RAPGEF1: variants seen among roughly 807,000 people sequenced by gnomAD.
RAPGEF1 encodes Rap guanine nucleotide exchange factor 1, also known as CRK SH3-binding GNRP.
A neutral mutation model predicts 143.3 loss-of-function variants in RAPGEF1; 33 were observed. That is an observed-to-expected ratio of 0.23 (90% CI 0.17 to 0.31). The LOEUF (loss-of-function observed/expected upper bound fraction) is 0.31. RAPGEF1 is among the 10% of genes least tolerant of loss of function. RAPGEF1 has a pLI of 1.00. For missense variants in RAPGEF1, 1,199 were observed against 1,645.4 expected (o/e 0.73, Z 4.69); for synonymous variants, 629 against 676.5 (o/e 0.93, Z 1.09).
chr9:131,717,449 GC>G (rs2131256747), intron 1 of RAPGEF1, among the ~76,000 whole-genome samples: 1 of 152,284 alleles, frequency 6.6e-6, no homozygotes, highest in South Asian at 2.1e-4. Flanking sequence ...CCGACAGGGA[GC>G]TTACCTCCCA....
chr9:131,723,885 C>A (rs1836449209), intron 1 of RAPGEF1, among the ~76,000 whole-genome samples: 1 of 152,230 alleles, frequency 6.6e-6, no homozygotes, highest in South Asian at 2.1e-4. Flanking sequence ...CACCATTTTA[C>A]AGTCCTGCCA....
Position 131,629,220 on chromosome 9 carries a change from C to T in RAPGEF1, c.775G>A (p.Glu259Lys). 1 of 1,613,970 alleles carries T rather than the reference C, an allele frequency of 6.2e-7. No homozygotes were observed. The highest frequency in any genetic ancestry group is 8.5e-7 in the Non-Finnish European group (1 of 1,179,858). ...AELPLTDREV[E>K]ILNKTTGMSQ... The stretch of plus-strand genomic sequence containing the variant: ...ATCCCAGTCGTCTTGTTTAGGATCT[C>T]TACCTCGCGGTCTGTCAGGGGGAGC... Residue 259 changes from glutamate (E) to lysine (K), a missense_variant, in exon 7 of 27, where the codon GAG (glutamate) becomes AAG (lysine). Physicochemically the swap from Glu to Lys is moderately conservative, Grantham distance 56. Coordinates refer to ENST00000683357, the MANE Select transcript of RAPGEF1 (RefSeq NM_001377935.1).
At chr9:131,676,298 G>T (rs561251530) in intron 1 of RAPGEF1, among the ~76,000 whole-genome samples, 31 of 152,310 alleles carry the variant, frequency 2.0e-4, no homozygotes, top group Non-Finnish European at 2.2e-4. Flanking sequence ...GGAAGTGAAG[G>T]GTCCCTCAAG....
At position 131,598,241 on chromosome 9, in the gene RAPGEF1, A is replaced by G; in HGVS notation, c.2571T>C (p.Ile857=). The G allele has an allele frequency of 6.2e-7, 1 of 1,614,032 alleles. No individual in the cohort carries two copies. Among genetic ancestry groups the G allele is most frequent in the South Asian group, 1.1e-5 (1 of 91,078 alleles). The part of the protein sequence containing the change: ...SEEEVDELSL[I]DHNEIMSRLT... Reference sequence around the variant, plus strand: ...GCCTGGACATAATTTCGTTGTGGTCAATGAGGGACAGCTCGTCCACTTCCT... The same window carrying G: ...GCCTGGACATAATTTCGTTGTGGTCGATGAGGGACAGCTCGTCCACTTCCT... The change falls in exon 16 of 27, where the codon ATT becomes ATC. Residue 857 remains isoleucine, a synonymous_variant. Transcript: ENST00000683357.
At chr9:131,733,368 G>A (rs867366477) in intron 1 of RAPGEF1, among the ~76,000 whole-genome samples, 9 of 119,672 alleles carry the variant, frequency 7.5e-5, no homozygotes, top group African/African-American at 3.0e-4. Flanking sequence ...GCGGGGGCGG[G>A]GGGGGGGGTG....
chr9:131,605,091 T>G lies in RAPGEF1; in HGVS notation c.2159A>C (p.His720Pro). The change falls in exon 13 of 27, where the codon CAT becomes CCT. Residue 720 changes from histidine (H) to proline (P), a missense_variant. Coordinates refer to ENST00000683357, the MANE Select transcript of RAPGEF1 (RefSeq NM_001377935.1). ...FLPPTSSSSPHFPPAHQSQSS... is the reference protein window; with the variant it reads ...FLPPTSSSSPPFPPAHQSQSS... ...CTGAGACTGGTGGGCAGGTGGGAAA[T>G]GTGGAGAGGAAGAGGAGGTAGGCGG... The G allele has an allele frequency of 7.3e-7, 1 of 1,364,418 alleles. No homozygotes were observed. The highest frequency in any genetic ancestry group is 9.8e-7 in the Non-Finnish European group (1 of 1,021,224). 84.5% of individuals were successfully genotyped at this position (1,364,418 alleles called of 1,614,324 possible).
intron 25 of RAPGEF1, 103 bp downstream of exon 25, chr9:131,582,502 A>C (rs2132098100): frequency 2.4e-6 from 2 of 840,902 alleles, no homozygotes. Flanking sequence ...CTCCGTTAGA[A>C]ACCCCTAAAT....
chr9:131,596,381 G>A lies in RAPGEF1; in HGVS notation c.2614-8C>T, dbSNP rs1380516221. The A allele has an allele frequency of 4.3e-6, 7 of 1,613,778 alleles. No individual in the cohort carries two copies. The highest frequency in any genetic ancestry group is 5.1e-6 in the Non-Finnish European group (6 of 1,179,816). On this transcript the variant is annotated splice_region_variant and splice_polypyrimidine_tract_variant and intron_variant, in intron 16 of 26. Transcript: ENST00000683357. ...GTCCGGCCCGTCATCACCCTGTAAT[G>A]AACACAGCCAAGGAAGGTATGAGGC...
chr9:131,587,546 C>T (rs1203002050), intron 22 of RAPGEF1, among the ~76,000 whole-genome samples, 190 bp downstream of exon 22: 2 of 152,202 alleles, frequency 1.3e-5, no homozygotes, highest in African/African-American at 2.4e-5. Context: ...TGGCCACTTC[C>T]AGCAAGCCCC....
chr9:131,626,190 G>C lies in RAPGEF1; in HGVS notation c.1434C>G (p.Arg478=). The change falls in exon 10 of 27, where the codon CGC becomes CGG. Residue 478 remains arginine (R), a synonymous_variant. Transcript: ENST00000683357. ...CCGCCGTCTGGGAGGCTGCGCTCCT[G>C]CGCTTCTTCTCGGGGAGAGCAGGTG... is the stretch of plus-strand genomic sequence containing the variant. ...DTPPALPEKK[R]RSAASQTADG... is the part of the protein sequence containing the mutation. 1 of 1,613,974 alleles carries C rather than the reference G, an allele frequency of 6.2e-7. No homozygotes were observed. Among genetic ancestry groups the C allele is most frequent in the Non-Finnish European group, 8.5e-7 (1 of 1,179,860 alleles).
intron 5 of RAPGEF1, among the ~76,000 whole-genome samples, chr9:131,636,069 C>T (rs781071146): frequency 2.2e-4 from 33 of 152,296 alleles, no homozygotes; most frequent in South Asian, 4.2e-4. Context: ...CTTGGGGAAG[C>T]GTCTCTGACC....
intron 22 of RAPGEF1, among the ~76,000 whole-genome samples, chr9:131,586,227 C>CAG (rs1952722662): frequency 6.7e-6 from 1 of 149,926 alleles, no homozygotes; most frequent in Non-Finnish European, 1.5e-5. Context: ...CACACACACA[C>CAG]ACACACCTGC....
chr9:131,738,063 C>T (rs1180149871), intron 1 of RAPGEF1, among the ~76,000 whole-genome samples: 1 of 152,120 alleles, frequency 6.6e-6, no homozygotes, highest in Non-Finnish European at 1.5e-5. Context: ...GATCCTCCTG[C>T]CTTGGCCTTC....
intron 1 of RAPGEF1, among the ~76,000 whole-genome samples, chr9:131,708,515 G>A (rs775325737): frequency 3.9e-5 from 6 of 152,182 alleles, no homozygotes; most frequent in Non-Finnish European, 8.8e-5. Flanking sequence ...CCAAGCCCTA[G>A]AGAGACAGAG....
rs540686650 is a variant in RAPGEF1, at chr9:131,579,398, G to A, written c.*99C>T. On this transcript the variant is annotated 3_prime_UTR_variant, in exon 27 of 27. Transcript: ENST00000683357. ...TGGCCAGCCTCATGGCTCCGAGGCC[G>A]GGACTCCTGCCATGCGCCTAACAGG... The A allele has an allele frequency of 1.3e-4, 190 of 1,475,696 alleles. No homozygotes were observed. In the East Asian group the frequency reaches 1.7e-3, roughly 13 times the overall value. The allele number at this position is 1,475,696 out of a possible 1,614,324, so 91.4% of individuals were successfully genotyped here.
chr9:131,624,255 C>T (rs1000144706), intron 10 of RAPGEF1, among the ~76,000 whole-genome samples: 4 of 152,182 alleles, frequency 2.6e-5, no homozygotes, highest in African/African-American at 9.7e-5. Flanking sequence ...ATAGAGCCTG[C>T]CTTGCAGGTG....
intron 1 of RAPGEF1, among the ~76,000 whole-genome samples, chr9:131,692,638 C>T (rs1833863645): frequency 6.6e-6 from 1 of 152,240 alleles, no homozygotes; most frequent in Non-Finnish European, 1.5e-5. Context: ...TTTCCCAAGA[C>T]ATCAGAACAA....
chr9:131,606,814 G>A (rs1158015693), intron 12 of RAPGEF1, among the ~76,000 whole-genome samples: 3 of 152,120 alleles, frequency 2.0e-5, no homozygotes, highest in Middle Eastern at 3.4e-3. Context: ...TTGTAGAAAC[G>A]GGGTCTTTCT....
intron 1 of RAPGEF1, among the ~76,000 whole-genome samples, chr9:131,717,518 G>A (rs560734105): frequency 2.0e-5 from 3 of 152,142 alleles, no homozygotes; most frequent in Admixed American, 6.5e-5. Context: ...GCTCACACCT[G>A]TAATCCTAGC....
Sources: allele counts gnomAD v4.1 joint callset (sites outside exome capture counted in the v4.1 genomes callset), GRCh38; gene constraint gnomAD v4.1.1; transcripts MANE v1.5; gene names NCBI Gene and HGNC (gene_info 2026-07-23, HGNC 2026-07-21).